The following ADAM12 variants were observed in gnomAD, a reference collection of about 807,000 sequenced individuals.
ADAM12 encodes the protein disintegrin and metalloproteinase domain-containing protein 12.
In ADAM12, 70 loss-of-function variants were observed where a neutral mutation model predicts 106.4. That is an observed-to-expected ratio of 0.66 (90% CI 0.54 to 0.80). The LOEUF (loss-of-function observed/expected upper bound fraction) is 0.80, where lower values mean the gene tolerates loss of function less well. Ranked by LOEUF, ADAM12 falls within the 30% of genes least tolerant of loss-of-function variation. The probability of loss-of-function intolerance (pLI) is 0.00; values close to 1 mark genes in which losing one functional copy is unlikely to be tolerated. For missense variants in ADAM12, 1,010 were observed against 1,171.9 expected, an observed-to-expected ratio of 0.86 and a Z score of 2.02; for synonymous variants, 420 against 433.5, an observed-to-expected ratio of 0.97 and a Z score of 0.39.
intron 16 of ADAM12, among the ~76,000 whole-genome samples, chr10:126,048,538 C>T (rs1263236110): frequency 6.6e-6 from 1 of 151,990 alleles, no homozygotes; most frequent in African/African-American, 2.4e-5. Context: ...TGTGTGACCT[C>T]ATGTTAGTGA....
intron 3 of ADAM12, among the ~76,000 whole-genome samples, chr10:126,241,592 T>C (rs1379299070): frequency 6.6e-6 from 1 of 152,192 alleles, no homozygotes; most frequent in Non-Finnish European, 1.5e-5. Context: ...TAAGACATGT[T>C]GAGGCCATGA....
intron 1 of ADAM12, among the ~76,000 whole-genome samples, chr10:126,371,169 G>A (rs1169966999): frequency 6.6e-6 from 1 of 152,188 alleles, no homozygotes; most frequent in South Asian, 2.1e-4. Context: ...CATAGTGCCT[G>A]CCTCCCAGGG....
intron 3 of ADAM12, among the ~76,000 whole-genome samples, chr10:126,220,923 C>T (rs1360525593): frequency 6.6e-6 from 1 of 152,260 alleles, no homozygotes; most frequent in Non-Finnish European, 1.5e-5. Context: ...CTCCAGCAGG[C>T]CACATGGAGG....
rs1479441399 is a variant in ADAM12, at chr10:126,049,772, A to G, written c.1610-103T>C. ...GTTACGGGGAGACGTGCTCAAAGCA[A>G]TCACACCCAGTGTCTGTCCCGACTC... On this transcript the variant is annotated intron_variant, in intron 14 of 22. Coordinates refer to ENST00000448723, the MANE Select transcript of ADAM12 (RefSeq NM_001288973.2). The surrounding 1 kb of genome is among the most constrained non-coding windows in gnomAD (Gnocchi z 4.4). 6 of 1,029,434 alleles carry G rather than the reference A, an allele frequency of 5.8e-6. No homozygotes were observed. Among genetic ancestry groups the G allele is most frequent in the Admixed American group, 4.5e-5 (2 of 44,420 alleles). The allele number at this position is 1,029,434 out of a possible 1,614,324, so 63.8% of individuals were successfully genotyped here. A position where few individuals can be genotyped will look rare whatever the true frequency, so the allele number is the denominator to read the frequency against.
intron 1 of ADAM12, among the ~76,000 whole-genome samples, chr10:126,335,036 C>T (rs546207540): frequency 2.0e-5 from 3 of 152,240 alleles, no homozygotes; most frequent in African/African-American, 7.2e-5. Flanking sequence ...CAGTAAAGCG[C>T]TTTCGAAAAG....
At chr10:126,140,749 G>A (rs1266552196) in intron 4 of ADAM12, among the ~76,000 whole-genome samples, 1 of 152,232 alleles carries the variant, frequency 6.6e-6, no homozygotes, top group Non-Finnish European at 1.5e-5. Flanking sequence ...TTAAACAAAT[G>A]TGATTGAGTT....
intron 5 of ADAM12, among the ~76,000 whole-genome samples, chr10:126,134,249 T>C (rs920871062): frequency 1.8e-4 from 28 of 152,362 alleles, no homozygotes; most frequent in Admixed American, 1.8e-3. Context: ...GAAATGTGTG[T>C]GTGCATGCAA....
chr10:126,195,897 C>G (rs1171726597), intron 3 of ADAM12, among the ~76,000 whole-genome samples: 1 of 152,192 alleles, frequency 6.6e-6, no homozygotes, highest in African/African-American at 2.4e-5. Flanking sequence ...GAAAAGCTCA[C>G]TATGTCTGCT....
chr10:126,289,939 T>C (rs918908980), intron 2 of ADAM12, among the ~76,000 whole-genome samples: 4 of 152,328 alleles, frequency 2.6e-5, no homozygotes, highest in South Asian at 4.1e-4. Context: ...TGTGTGCATA[T>C]GTTACCTTAC....
chr10:126,054,927 T>C (rs1377565749), intron 14 of ADAM12, among the ~76,000 whole-genome samples: 3 of 152,098 alleles, frequency 2.0e-5, no homozygotes, highest in Non-Finnish European at 4.4e-5. Context: ...TTACCACACC[T>C]GTAACGATTC....
chr10:126,093,249 T>C (rs558309986), intron 11 of ADAM12, among the ~76,000 whole-genome samples: 2 of 152,350 alleles, frequency 1.3e-5, no homozygotes, highest in South Asian at 4.1e-4. Context: ...GGATAGGCCC[T>C]TTATAGATAT....
At chr10:126,153,955 A>C (rs972475186) in intron 4 of ADAM12, among the ~76,000 whole-genome samples, 2 of 152,216 alleles carry the variant, frequency 1.3e-5, no homozygotes, top group African/African-American at 4.8e-5. Flanking sequence ...TTTTTTATGA[A>C]GTCTTTTTTC....
intron 3 of ADAM12, among the ~76,000 whole-genome samples, chr10:126,276,720 C>T (rs1261048047): frequency 2.6e-5 from 4 of 152,106 alleles, no homozygotes; most frequent in Non-Finnish European, 5.9e-5. Context: ...AAAATGCAGT[C>T]TGACAGTGAG....
At chr10:126,208,169 AG>A (rs1443314645) in intron 3 of ADAM12, among the ~76,000 whole-genome samples, 3 of 152,070 alleles carry the variant, frequency 2.0e-5, no homozygotes, top group Non-Finnish European at 4.4e-5. Context: ...CCACCATAAA[AG>A]GTTCTTAATT....
At chr10:126,369,089 C>A (rs912159296) in intron 1 of ADAM12, among the ~76,000 whole-genome samples, 6 of 152,274 alleles carry the variant, frequency 3.9e-5, no homozygotes, top group East Asian at 1.9e-4. Flanking sequence ...TACTAACTAC[C>A]TTTTCCATAT....
intron 22 of ADAM12, among the ~76,000 whole-genome samples, chr10:126,018,154 A>G (rs10794054): frequency 0.59 from 89,730 of 152,184 alleles, 27,907 homozygotes; most frequent in Non-Finnish European, 0.69. Context: ...GAGCTGTAAT[A>G]AAATCACTCC....
chr10:126,367,375 G>GA (rs1463962883), intron 1 of ADAM12, among the ~76,000 whole-genome samples: 1 of 151,700 alleles, frequency 6.6e-6, no homozygotes, highest in Non-Finnish European at 1.5e-5. Context: ...TGACGATAAT[G>GA]AAAAAATAAC....
chr10:126,366,067 CCAAGTA>C (rs911431870), intron 1 of ADAM12, among the ~76,000 whole-genome samples: 33 of 151,974 alleles, frequency 2.2e-4, no homozygotes, highest in African/African-American at 5.8e-4. Context: ...AGCATACAGT[CCAAGTA>C]CAAGAATAGA....
intron 4 of ADAM12, among the ~76,000 whole-genome samples, chr10:126,141,012 A>G (rs532849464): frequency 5.2e-4 from 79 of 152,222 alleles, no homozygotes; most frequent in Non-Finnish European, 9.8e-4. Context: ...GCCCTGCCCA[A>G]GGGTGCACCT....
Sources: allele counts gnomAD v4.1 joint callset (sites outside exome capture counted in the v4.1 genomes callset), GRCh38; gene constraint gnomAD v4.1.1; non-coding constraint Gnocchi (gnomAD v3.1); transcripts MANE v1.5; gene names NCBI Gene and HGNC (gene_info 2026-07-23, HGNC 2026-07-21).